Variants in IREB2 observed in about 807,000 individuals in gnomAD.
IREB2 encodes the protein iron-responsive element-binding protein 2.
IREB2 carries 39 observed loss-of-function variants against 118.8 expected under a neutral mutation model. The observed-to-expected ratio is 0.33, with a 90% CI of 0.25 to 0.43. IREB2 has a LOEUF of 0.43. IREB2 is among the 20% of genes least tolerant of loss of function. IREB2 has a pLI of 1.00. For synonymous variants in IREB2, 372 were observed against 392.2 expected, an observed-to-expected ratio of 0.95 and a Z score of 0.61; for missense variants, 900 against 1,147.3, an observed-to-expected ratio of 0.78 and a Z score of 3.11.
At chr15:78,482,135 C>T (rs573554751) in intron 10 of IREB2, among the ~76,000 whole-genome samples, 37 of 152,118 alleles carry the variant, frequency 2.4e-4, no homozygotes, top group Admixed American at 1.7e-3. Context: ...GGGGCTAAGG[C>T]GGGAGGATCA....
At chr15:78,464,393 C>T (rs956815839) in intron 3 of IREB2, among the ~76,000 whole-genome samples, 2 of 152,186 alleles carry the variant, frequency 1.3e-5, no homozygotes, top group African/African-American at 4.8e-5. Flanking sequence ...CCTCTTCACC[C>T]ACCCACTCAA....
chr15:78,449,173 A>T (rs576581011), intron 2 of IREB2, among the ~76,000 whole-genome samples: 2 of 152,176 alleles, frequency 1.3e-5, no homozygotes, highest in African/African-American at 4.8e-5. Flanking sequence ...TTTCTTTCCA[A>T]TACCATTCTG....
intron 1 of IREB2, 50 bp downstream of exon 1, chr15:78,438,406 C>G: frequency 6.4e-7 from 1 of 1,574,554 alleles, no homozygotes; most frequent in Non-Finnish European, 8.6e-7. Context: ...ACGCGCGCTG[C>G]CTAGGCGCCG....
chr15:78,450,526 AG>A (rs1333610258), intron 2 of IREB2, among the ~76,000 whole-genome samples: 1 of 152,162 alleles, frequency 6.6e-6, no homozygotes, highest in South Asian at 2.1e-4. Context: ...GAGTGCAGGC[AG>A]GGATCTGATG....
Position 78,465,354 on chromosome 15 carries a change from G to T in IREB2, c.376G>T (p.Val126Phe). 1 of 1,613,342 alleles carries T rather than the reference G, an allele frequency of 6.2e-7. No homozygotes were observed. The highest frequency in any genetic ancestry group is 8.5e-7 in the Non-Finnish European group (1 of 1,179,740). ...VHPACPTDLTVDHSLQIDFSK... is the reference protein window; with the variant it reads ...VHPACPTDLTFDHSLQIDFSK... ...TCCTGCTTGTCCGACAGATCTTACA[G>T]TTGACCATTCTTTACAAATTGACTT... is the stretch of plus-strand genomic sequence containing the variant. The change falls in exon 4 of 22, where the codon GTT (valine) becomes TTT (phenylalanine). Residue 126 changes from valine (V) to phenylalanine (F), a missense_variant. Val to Phe is a conservative substitution (Grantham distance 50). Transcript: ENST00000258886.
chr15:78,478,639 A>T (rs2051516233), intron 10 of IREB2, among the ~76,000 whole-genome samples: 1 of 152,216 alleles, frequency 6.6e-6, no homozygotes, highest in Non-Finnish European at 1.5e-5. Flanking sequence ...GGGGCGAAAG[A>T]AAGTTGCAGT....
intron 3 of IREB2, among the ~76,000 whole-genome samples, chr15:78,464,004 A>G (rs2051240400): frequency 6.6e-6 from 1 of 152,212 alleles, no homozygotes; most frequent in South Asian, 2.1e-4. Flanking sequence ...AACCCAGTCT[A>G]TCAGCAAGCT....
chr15:78,474,602 TTAATC>T (rs2051433523), intron 8 of IREB2: 1 of 152,234 alleles, frequency 6.6e-6, no homozygotes, highest in African/African-American at 2.4e-5. Context: ...TGTTAAAAAA[TTAATC>T]TATTATATAT....
At chr15:78,493,602 A>ATT (rs5813921) in intron 18 of IREB2, among the ~76,000 whole-genome samples, 1,562 of 149,274 alleles carry the variant, frequency 0.01, 17 homozygotes, top group Non-Finnish European at 0.016. Context: ...AATTATTGTG[A>ATT]TTTTTTTTTT....
chr15:78,452,804 C>T (rs1248093423), intron 2 of IREB2, among the ~76,000 whole-genome samples: 1 of 152,150 alleles, frequency 6.6e-6, no homozygotes. Context: ...TGGAAGTTAA[C>T]AAATTAGCCT....
chr15:78,497,393 T>C (rs1596019470), intron 21 of IREB2, 82 bp downstream of exon 21: 2 of 982,426 alleles, frequency 2.0e-6, no homozygotes, highest in East Asian at 5.1e-5. Flanking sequence ...CTGTAAATTA[T>C]ATACTAATGT....
At chr15:78,450,130 G>T in intron 2 of IREB2, among the ~76,000 whole-genome samples, 1 of 152,028 alleles carries the variant, frequency 6.6e-6, no homozygotes, top group Non-Finnish European at 1.5e-5. Flanking sequence ...TATATTTCTA[G>T]CAAATGAAAG....
rs2051716725 is a variant in IREB2, at chr15:78,489,631, C to T, written c.2077-791C>T. Among the ~76,000 whole-genome samples the T allele has an allele frequency of 3.3e-5, 5 of 152,140 alleles. 1 individual carries two copies. The South Asian group carries it at 1.0e-3, about 31-fold the overall frequency. The stretch of plus-strand genomic sequence containing the variant: ...CCTGGACTCAAGCAATCCTGCTCCT[C>T]AGCCTCCTGAGTAGCTGGGGCCACA... On this transcript the variant is annotated intron_variant, in intron 16 of 21. Transcript: ENST00000258886.
At chr15:78,452,762 G>A (rs1470492659) in intron 2 of IREB2, among the ~76,000 whole-genome samples, 5 of 152,114 alleles carry the variant, frequency 3.3e-5, no homozygotes, top group Admixed American at 3.3e-4. Context: ...AAATGAAAAA[G>A]AACTATAAAG....
chr15:78,481,364 G>A (rs2051567575), intron 10 of IREB2, among the ~76,000 whole-genome samples: 1 of 151,046 alleles, frequency 6.6e-6, no homozygotes, highest in African/African-American at 2.4e-5. Flanking sequence ...CACCATGCCC[G>A]GCTTTTTTTT....
rs1170503748 is a variant in IREB2 at position 78,485,796 on chromosome 15, T to C, written c.1665T>C (p.His555=). 6.2e-7 allele frequency: 1 copy of C among 1,613,800 alleles called. No homozygotes were observed. Among genetic ancestry groups the C allele is most frequent in the African/African-American group, 1.3e-5 (1 of 74,936 alleles). ...SLSPGSGMVT[H]YLSSSGVLPY... is the part of the protein sequence containing the mutation. ...CTCCAGGCAGTGGGATGGTTACACA[T>C]TACCTCAGTTCAAGTGGAGTATTAC... The change falls in exon 13 of 22, where the codon CAT becomes CAC. Residue 555 remains histidine (H), a synonymous_variant. Transcript: ENST00000258886.
chr15:78,463,635 T>C (rs2141476602), intron 3 of IREB2, among the ~76,000 whole-genome samples: 1 of 152,360 alleles, frequency 6.6e-6, no homozygotes, highest in South Asian at 2.1e-4. Context: ...TTTGTTTAAC[T>C]ACCTTCTTAT....
At chr15:78,477,575 G>A (rs2051493022) in intron 9 of IREB2, among the ~76,000 whole-genome samples, 1 of 152,174 alleles carries the variant, frequency 6.6e-6, no homozygotes. Context: ...AATAGTATTT[G>A]TTTCTTGTTC....
At chr15:78,493,014 C>G (rs1416215733) in intron 18 of IREB2, among the ~76,000 whole-genome samples, 4 of 152,162 alleles carry the variant, frequency 2.6e-5, no homozygotes, top group African/African-American at 7.2e-5. Flanking sequence ...TATCTTGTGC[C>G]TCCTAATAGA....
Sources: allele counts gnomAD v4.1 joint callset (sites outside exome capture counted in the v4.1 genomes callset), GRCh38; gene constraint gnomAD v4.1.1; transcripts MANE v1.5; gene names NCBI Gene and HGNC (gene_info 2026-07-23, HGNC 2026-07-21).